Variants in MYBPC1 observed in about 807,000 individuals in gnomAD.
The protein encoded by MYBPC1 is myosin-binding protein C, slow-type.
MYBPC1 carries 52 observed loss-of-function variants against 147.1 expected under a neutral mutation model. The ratio of observed to expected loss-of-function variants is 0.35; its 90% confidence interval spans 0.28 to 0.45. The LOEUF (loss-of-function observed/expected upper bound fraction) is 0.45. Among genes scored for constraint, MYBPC1 ranks in the 20% least tolerant of loss-of-function variants. The pLI, the probability that MYBPC1 is intolerant of heterozygous loss-of-function variation, is 1.00. For synonymous variants in MYBPC1, 477 were observed against 475.9 expected (o/e 1.00, Z -0.03); for missense variants, 1,228 against 1,440.3 (o/e 0.85, Z 2.39).
Position 101,651,240 on chromosome 12 carries a change from T to C in MYBPC1, c.1373T>C (p.Leu458Pro), listed in dbSNP as rs1565959143. Residue 458 changes from leucine (L) to proline (P), a missense_variant, in exon 16 of 32, where the codon CTG becomes CCG. Transcript: ENST00000361466. ...SAKLSVDLKP[L>P]KILTPLTDQT... ...TCTATCATTTCTACAGTGAAACCTC[T>C]GAAGATTTTGACACCTCTGACTGAT... 1 of 1,614,134 alleles carries C rather than the reference T, an allele frequency of 6.2e-7. No homozygotes were observed. Among genetic ancestry groups the C allele is most frequent in the Non-Finnish European group, 8.5e-7 (1 of 1,179,982 alleles).
At chr12:101,670,998 C>CA (rs397692797) in intron 24 of MYBPC1, among the ~76,000 whole-genome samples, 11 of 151,616 alleles carry the variant, frequency 7.3e-5, no homozygotes, top group South Asian at 2.1e-4. Flanking sequence ...CACACACACA[C>CA]CCTGCACCTC....
chr12:101,641,537 T>C (rs996510923), intron 10 of MYBPC1, among the ~76,000 whole-genome samples: 3 of 152,256 alleles, frequency 2.0e-5, no homozygotes, highest in African/African-American at 7.2e-5. Context: ...ATGTGTTCTG[T>C]AGTCAATGAT....
At chr12:101,610,368 T>C (rs1206060163) in intron 1 of MYBPC1, among the ~76,000 whole-genome samples, 1 of 152,206 alleles carries the variant, frequency 6.6e-6, no homozygotes, top group Non-Finnish European at 1.5e-5. Flanking sequence ...AGTAGGGGTA[T>C]GAGGGACTCA....
intron 3 of MYBPC1, among the ~76,000 whole-genome samples, chr12:101,621,049 T>A (rs1023676768): frequency 6.6e-6 from 1 of 152,180 alleles, no homozygotes; most frequent in African/African-American, 2.4e-5. Flanking sequence ...AATTATGTGA[T>A]TTTGTTTTAA....
At chr12:101,657,527 T>C (rs1895748362) in intron 18 of MYBPC1, among the ~76,000 whole-genome samples, 1 of 152,156 alleles carries the variant, frequency 6.6e-6, no homozygotes, top group Non-Finnish European at 1.5e-5. Flanking sequence ...ACAAATCCCA[T>C]GGACATTAAA....
intron 1 of MYBPC1, among the ~76,000 whole-genome samples, chr12:101,601,306 G>T (rs1381835219): frequency 4.6e-5 from 7 of 152,202 alleles, no homozygotes; most frequent in East Asian, 1.9e-4. Flanking sequence ...ATTCTGCTCT[G>T]TGTGGATAGG....
chr12:101,646,585 G>T, intron 12 of MYBPC1, 178 bp from the exon 13 acceptor site: 1 of 670,050 alleles, frequency 1.5e-6, no homozygotes, highest in East Asian at 2.9e-5. Context: ...GCTCCAATTA[G>T]CTATGTTTGC....
the MYBPC1 span, among the ~76,000 whole-genome samples, chr12:101,691,370 C>T: frequency 1.3e-5 from 2 of 152,162 alleles, no homozygotes; most frequent in African/African-American, 4.8e-5. Flanking sequence ...CTGCACCCGG[C>T]CTCTAGCCAG....
chr12:101,673,278 C>A, intron 24 of MYBPC1, 149 bp from the exon 25 acceptor site: 2 of 739,330 alleles, frequency 2.7e-6, no homozygotes, highest in South Asian at 1.6e-5. Flanking sequence ...TACAGCTTTG[C>A]TGCTGTAATT....
At chr12:101,626,481 C>T (rs1226560760) in intron 3 of MYBPC1, among the ~76,000 whole-genome samples, 1 of 152,122 alleles carries the variant, frequency 6.6e-6, no homozygotes, top group Non-Finnish European at 1.5e-5. Flanking sequence ...TGTGTCCAAA[C>T]GAATGTGATA....
chr12:101,659,373 A>T (rs1261883295), intron 18 of MYBPC1, among the ~76,000 whole-genome samples: 1 of 151,956 alleles, frequency 6.6e-6, no homozygotes, highest in Non-Finnish European at 1.5e-5. Context: ...GGGCTTTGGG[A>T]TCAAATCCCA....
In MYBPC1 at chr12:101,667,842, G is replaced by A. The variant is rs1300126319; in HGVS notation, c.2467G>A (p.Ala823Thr). The change falls in exon 23 of 32, where the codon GCT becomes ACT. Residue 823 changes from alanine to threonine, a missense_variant. By Grantham distance (58) the Ala-to-Thr change is moderately conservative. Coordinates refer to ENST00000361466, the MANE Select transcript of MYBPC1 (RefSeq NM_002465.4). Reference protein sequence around the residue: ...IFVRVKAVNAAGASEPKYYSQ... With the variant: ...IFVRVKAVNATGASEPKYYSQ... ...TGTGCGTGTGAAGGCTGTTAATGCAGCTGGTGCCAGCGAGCCCAAGTACTA... is the reference window on the plus strand; with the variant it reads ...TGTGCGTGTGAAGGCTGTTAATGCAACTGGTGCCAGCGAGCCCAAGTACTA... The A allele has an allele frequency of 1.2e-6, 2 of 1,614,162 alleles. No homozygotes were observed. The highest frequency in any genetic ancestry group is 2.2e-5 in the South Asian group (2 of 91,078).
chr12:101,666,672 G>A lies in MYBPC1; in HGVS notation c.2357-1060G>A. On this transcript the variant is annotated intron_variant, in intron 22 of 31. Transcript: ENST00000361466. Reference sequence around the variant, plus strand: ...GCATACTTTACTAACAGAGAATGCTGACTGCTGATACGATATTATTCTGGT... The same window carrying A: ...GCATACTTTACTAACAGAGAATGCTAACTGCTGATACGATATTATTCTGGT... 5 of 1,348,580 alleles carry A rather than the reference G, an allele frequency of 3.7e-6. No homozygotes were observed. In the South Asian group the frequency reaches 5.9e-5, roughly 16 times the overall value. 83.5% of individuals were successfully genotyped at this position (1,348,580 alleles called of 1,614,324 possible). A position where few individuals can be genotyped will look rare whatever the true frequency, so the allele number is the denominator to read the frequency against.
rs112845293 is a variant in MYBPC1 at position 101,655,488 on chromosome 12, G to A, written c.1767+2240G>A. Among the ~76,000 whole-genome samples, 1,234 of 152,184 alleles carry A rather than the reference G, an allele frequency of 8.1e-3. 11 individuals carry two copies. Among genetic ancestry groups the A allele is most frequent in the African/African-American group, 0.021 (884 of 41,534 alleles). Reference sequence around the variant, plus strand: ...TCAGTTAGACTTCAAATTTTCATTCGGGCATGTAATCAGCTTAGAAGTTGC... The same window carrying A: ...TCAGTTAGACTTCAAATTTTCATTCAGGCATGTAATCAGCTTAGAAGTTGC... On this transcript the variant is annotated intron_variant, in intron 18 of 31. Coordinates refer to ENST00000361466, the MANE Select transcript of MYBPC1 (RefSeq NM_002465.4).
intron 17 of MYBPC1, 53 bp from the exon 18 acceptor site, chr12:101,653,062 A>C: frequency 6.3e-7 from 1 of 1,589,178 alleles, no homozygotes; most frequent in Non-Finnish European, 8.6e-7. Context: ...ATTAGTGCAG[A>C]TATTTACACA....
Position 101,675,424 on chromosome 12 carries a change from A to G in MYBPC1, c.2942A>G (p.Lys981Arg), listed in dbSNP as rs1899734741. 2 of 1,614,064 alleles carry G rather than the reference A, an allele frequency of 1.2e-6. No individual in the cohort carries two copies. The highest frequency in any genetic ancestry group is 2.7e-5 in the African/African-American group (2 of 74,936). Residue 981 changes from lysine (K) to arginine (R), a missense_variant, in exon 26 of 32, where the codon AAG becomes AGG. Transcript: ENST00000361466. ...TGYTIQKADK[K>R]SMEWFTVIEH... ...TATACCATTCAGAAGGCTGACAAGAAGAGCATGGTAAGGTCTGGCTTTCTC... is the reference window on the plus strand; with the variant it reads ...TATACCATTCAGAAGGCTGACAAGAGGAGCATGGTAAGGTCTGGCTTTCTC...
At chr12:101,602,361 T>C (rs1880406503) in intron 1 of MYBPC1, among the ~76,000 whole-genome samples, 1 of 152,126 alleles carries the variant, frequency 6.6e-6, no homozygotes, top group African/African-American at 2.4e-5. Flanking sequence ...GTTACAGGCA[T>C]GCGCCACCAC....
intron 15 of MYBPC1, chr12:101,650,772 T>C (rs1284122182): frequency 4.5e-6 from 1 of 221,158 alleles, no homozygotes; most frequent in Non-Finnish European, 9.1e-6. Context: ...ATAAATATAA[T>C]AAATATGGCA....
chr12:101,631,890 C>T, intron 7 of MYBPC1, 131 bp from the exon 8 acceptor site: 4 of 1,290,086 alleles, frequency 3.1e-6, no homozygotes, highest in South Asian at 1.2e-5. Flanking sequence ...CCGGGGGCTA[C>T]AGGACACATT....
Sources: allele counts gnomAD v4.1 joint callset (sites outside exome capture counted in the v4.1 genomes callset), GRCh38; gene constraint gnomAD v4.1.1; transcripts MANE v1.5; gene names NCBI Gene and HGNC (gene_info 2026-07-23, HGNC 2026-07-21).